Variants in SULT1A1 observed in about 807,000 individuals in gnomAD.
SULT1A1 encodes the protein sulfotransferase 1A1.
A neutral mutation model predicts 36.8 loss-of-function variants in SULT1A1; 35 were observed. The ratio of observed to expected loss-of-function variants is 0.95; its 90% CI spans 0.73 to 1.26. The LOEUF (loss-of-function observed/expected upper bound fraction) is 1.26. Ranked by LOEUF, SULT1A1 falls within the 50% of genes most tolerant of loss-of-function variation. The pLI is 0.00. For synonymous variants in SULT1A1, 119 were observed against 146.0 expected, an observed-to-expected ratio of 0.82 and a Z score of 1.33; for missense variants, 309 against 383.0, an observed-to-expected ratio of 0.81 and a Z score of 1.61.
At chr16:28,608,646 G>C in intron 2 of SULT1A1, 43 bp from the exon 3 acceptor site, 1 of 1,611,264 alleles carries the variant, frequency 6.2e-7, no homozygotes. Context: ...CTGAGGGCAC[G>C]ACCTCGCTGG....
chr16:28,617,529 GTTTCT>G (rs928946797), intron 2 of SULT1A1, among the ~76,000 whole-genome samples: 4 of 151,646 alleles, frequency 2.6e-5, no homozygotes, highest in African/African-American at 7.3e-5. Context: ...CTGGAAGACA[GTTTCT>G]TTTCTTTTCT....
chr16:28,619,990 A>T, intron 2 of SULT1A1: 2 of 573,788 alleles, frequency 3.5e-6, no homozygotes, highest in South Asian at 9.0e-5. Flanking sequence ...ATTGTATTGT[A>T]TATTGTGTGT....
At chr16:28,609,347 C>T (rs1369306985) in intron 1 of SULT1A1, 10 of 1,290,880 alleles carry the variant, frequency 7.7e-6, no homozygotes, top group African/African-American at 3.0e-5. Context: ...GCCAGCCAGG[C>T]CTGTGATCCA....
chr16:28,608,331 A>AGGGGCAGGTGTGTCTTCAGGAGTCGT lies in SULT1A1; in HGVS notation c.306_331dup (p.Leu111HisfsTer4), dbSNP rs751852173. ...CAACAGAGTCTGGGGGAGCAGAGCC[A>AGGGGCAGGTGTGTCTTCAGGAGTCGT]GGGGCAGGTGTGTCTTCAGGAGTCG... On this transcript the variant is annotated stop_gained and frameshift_variant, in exon 4 of 8. Coordinates refer to ENST00000314752, the MANE Select transcript of SULT1A1 (RefSeq NM_001055.4). LOFTEE classifies it high-confidence loss of function. The AGGGGCAGGTGTGTCTTCAGGAGTCGT allele has an allele frequency of 3.7e-6, 6 of 1,612,230 alleles. No individual in the cohort carries two copies. The African/African-American group carries it at 8.0e-5, about 22-fold the overall frequency.
chr16:28,621,047 T>C (rs1414769814), intron 1 of SULT1A1, among the ~76,000 whole-genome samples: 2 of 151,620 alleles, frequency 1.3e-5, no homozygotes, highest in Non-Finnish European at 1.5e-5. Context: ...AAAGTGGAGG[T>C]TGCAGTGAGC....
At chr16:28,622,279 T>C (rs909709066) in intron 1 of SULT1A1, among the ~76,000 whole-genome samples, 3 of 152,138 alleles carry the variant, frequency 2.0e-5, no homozygotes, top group Non-Finnish European at 2.9e-5. Flanking sequence ...AAAACCCGCC[T>C]CTTGGTGGAG....
At chr16:28,608,627 G>A in intron 2 of SULT1A1, 24 bp from the exon 3 acceptor site, 17 of 1,611,686 alleles carry the variant, frequency 1.1e-5, no homozygotes, top group Non-Finnish European at 1.4e-5. Context: ...GAGATGGGAG[G>A]TGAGCAGGCT....
chr16:28,606,743 C>A lies in SULT1A1; in HGVS notation c.594+18G>T, dbSNP rs368643324. The A allele has an allele frequency of 3.1e-6, 5 of 1,611,080 alleles. No homozygotes were observed. In the African/African-American group the frequency reaches 4.0e-5, roughly 13 times the overall value. The stretch of plus-strand genomic sequence containing the variant: ...CCCCCAGGAGTCACATGGAGGGAAG[C>A]ATCGCACGTGGTCTCACCTCCTTCA... On this transcript the variant is annotated intron_variant, in intron 6 of 7. Coordinates refer to ENST00000314752, the MANE Select transcript of SULT1A1 (RefSeq NM_001055.4).
chr16:28,609,500 C>T, intron 1 of SULT1A1: 1 of 994,968 alleles, frequency 1.0e-6, no homozygotes, highest in Non-Finnish European at 1.4e-6. Flanking sequence ...AGGGTGGCTC[C>T]CACCTATAAT....
rs1478100635 is a variant in SULT1A1, at chr16:28,621,556, T to G, written c.68-1423A>C. 2.0e-5 allele frequency among the ~76,000 whole-genome samples: 3 copies of G among 151,122 alleles called. No individual in the cohort carries two copies. The East Asian group carries it at 5.8e-4, about 29-fold the overall frequency. On this transcript the variant is annotated intron_variant, in intron 1 of 5. Coordinates refer to the SULT1A1 transcript ENST00000350842. The stretch of plus-strand genomic sequence containing the variant: ...AGAAAAAGAGAACAATCTCACTAGT[T>G]TTTTGAGGATTAAATAGCATTCTGG...
At chr16:28,609,220 T>C in intron 1 of SULT1A1, 1 of 1,287,840 alleles carries the variant, frequency 7.8e-7, no homozygotes, top group Non-Finnish European at 1.0e-6. Context: ...CTGTGCTGTC[T>C]CCCTGCCAGC....
rs35638726 is a variant in SULT1A1, at chr16:28,609,221, C to T, written c.-4-362G>A. The T allele has an allele frequency of 1.4e-3, 1,818 of 1,285,978 alleles. 45 individuals are homozygous for T. Among genetic ancestry groups the T allele is most frequent in the African/African-American group, 0.011 (762 of 67,180 alleles). The allele number at this position is 1,285,978 out of a possible 1,614,324, so 79.7% of individuals were successfully genotyped here. On this transcript the variant is annotated intron_variant, in intron 1 of 7. Transcript: ENST00000314752. ...GCTCTAGGACCTTCCTGTGCTGTCTCCCTGCCAGCCAGCGCCCTTTGTCTC... is the reference window on the plus strand; with the variant it reads ...GCTCTAGGACCTTCCTGTGCTGTCTTCCTGCCAGCCAGCGCCCTTTGTCTC...
At chr16:28,621,624 G>A (rs2047658212) in intron 1 of SULT1A1, among the ~76,000 whole-genome samples, 1 of 151,856 alleles carries the variant, frequency 6.6e-6, no homozygotes, top group African/African-American at 2.4e-5. Flanking sequence ...TTTAACAGTT[G>A]CTAGGAAGCT....
intron 2 of SULT1A1, among the ~76,000 whole-genome samples, chr16:28,618,978 C>T (rs2047599579): frequency 6.6e-6 from 1 of 152,120 alleles, no homozygotes; most frequent in South Asian, 2.1e-4. Flanking sequence ...AGTCAGAAAT[C>T]ATTGAGAACA....
At chr16:28,617,630 C>T (rs569254231) in intron 2 of SULT1A1, among the ~76,000 whole-genome samples, 73 of 152,216 alleles carry the variant, frequency 4.8e-4, no homozygotes, top group Non-Finnish European at 1.0e-3. Context: ...CAACCTCCGC[C>T]TCCCGGGTTC....
At chr16:28,609,702 G>T in intron 1 of SULT1A1, 1 of 457,148 alleles carries the variant, frequency 2.2e-6, no homozygotes, top group Non-Finnish European at 3.6e-6. Flanking sequence ...AGGCTGCAGT[G>T]GCCAGGATCC....
intron 1 of SULT1A1, chr16:28,623,104 C>A: frequency 1.4e-6 from 2 of 1,480,794 alleles, no homozygotes; most frequent in Middle Eastern, 1.8e-4. Context: ...TGGTCCCACC[C>A]CCCAGGTTCC....
upstream of SULT1A1, among the ~76,000 whole-genome samples, chr16:28,614,567 C>T (rs567025938): frequency 9.3e-5 from 12 of 129,240 alleles, 2 homozygotes; most frequent in East Asian, 2.4e-3. Context: ...ATTACAGGCA[C>T]GTGCCACCAT....
intron 2 of SULT1A1, chr16:28,619,940 C>T (rs1196190556): frequency 4.0e-6 from 3 of 744,114 alleles, no homozygotes; most frequent in South Asian, 4.4e-5. Context: ...TACATATACA[C>T]ATATATACAC....
Sources: allele counts gnomAD v4.1 joint callset (sites outside exome capture counted in the v4.1 genomes callset), GRCh38; gene constraint gnomAD v4.1.1; transcripts MANE v1.5; gene names NCBI Gene and HGNC (gene_info 2026-07-23, HGNC 2026-07-21).